The following SELENOF variants were observed in gnomAD, a reference collection of about 807,000 sequenced individuals.
SELENOF encodes 15 kDa selenoprotein.
Under a neutral mutation model 20.5 loss-of-function variants are expected in SELENOF, and 16 were observed. That is an observed-to-expected ratio of 0.78 (90% CI 0.53 to 1.19). SELENOF has a LOEUF of 1.19. Among genes scored for constraint, SELENOF ranks in the 50% most tolerant of loss-of-function variants. SELENOF has a pLI of 0.00. For synonymous variants in SELENOF, 78 were observed against 74.5 expected (o/e 1.05, Z -0.24); for missense variants, 215 against 194.2 (o/e 1.11, Z -0.64).
At chr1:86,890,766 A>G (rs927110807) in intron 2 of SELENOF, among the ~76,000 whole-genome samples, 3 of 151,764 alleles carry the variant, frequency 2.0e-5, no homozygotes, top group African/African-American at 7.3e-5. Context: ...TTCGTCTTCC[A>G]AAGTGTTGGA....
intron 1 of SELENOF, among the ~76,000 whole-genome samples, chr1:86,909,840 C>T (rs1659929814): frequency 6.6e-6 from 1 of 152,126 alleles, no homozygotes; most frequent in African/African-American, 2.4e-5. Context: ...CCCGTCTCCA[C>T]TAAAGATACA....
intron 2 of SELENOF, among the ~76,000 whole-genome samples, chr1:86,887,487 T>G (rs1295260430): frequency 6.6e-6 from 1 of 152,166 alleles, no homozygotes; most frequent in Non-Finnish European, 1.5e-5. Flanking sequence ...TGATTTAAAC[T>G]AGGCTCTACA....
In SELENOF at chr1:86,903,420, G is replaced by A. The variant is rs189422667; in HGVS notation, c.113C>T (p.Ser38Leu). 1,798 of 1,606,994 alleles carry A rather than the reference G, an allele frequency of 1.1e-3. 2 individuals are homozygous for A. The highest frequency in any genetic ancestry group is 1.4e-3 in the Non-Finnish European group (1,621 of 1,177,110). ...AAAGCCTAACTCTCTGCATGCCTCC[G>A]ATGAAAACTCTGCCCCAAAAGCAGA... ...AVSAFGAEFS[S>L]EACRELGFSS... Residue 38 changes from serine to leucine, a missense_variant, in exon 2 of 5, where the codon TCG (serine) becomes TTG (leucine). By Grantham distance (145) the Ser-to-Leu change is moderately radical. Coordinates refer to ENST00000331835, the MANE Select transcript of SELENOF (RefSeq NM_004261.5).
At chr1:86,906,883 T>C (rs1001545272) in intron 1 of SELENOF, among the ~76,000 whole-genome samples, 3 of 152,236 alleles carry the variant, frequency 2.0e-5, no homozygotes, top group Non-Finnish European at 4.4e-5. Flanking sequence ...TTTGCAGCCA[T>C]AGTTACTGAA....
chr1:86,885,786 C>A (rs957087019), intron 2 of SELENOF, among the ~76,000 whole-genome samples: 1 of 152,176 alleles, frequency 6.6e-6, no homozygotes, highest in Non-Finnish European at 1.5e-5. Flanking sequence ...CTGCCACTTA[C>A]AAGCAGTATG....
At chr1:86,880,544 AT>A in intron 3 of SELENOF, 117 bp downstream of exon 3, 2 of 556,430 alleles carry the variant, frequency 3.6e-6, no homozygotes, top group Non-Finnish European at 6.2e-6. Flanking sequence ...AAAAGCATAT[AT>A]TGTTAAGAAA....
intron 2 of SELENOF, among the ~76,000 whole-genome samples, chr1:86,898,185 A>G (rs1659574677): frequency 6.6e-6 from 1 of 152,230 alleles, no homozygotes; most frequent in Non-Finnish European, 1.5e-5. Flanking sequence ...CCGGGTTGTG[A>G]GCAAAGCCAT....
At chr1:86,871,659 A>T (rs1328305907) in intron 3 of SELENOF, among the ~76,000 whole-genome samples, 1 of 152,230 alleles carries the variant, frequency 6.6e-6, no homozygotes, top group African/African-American at 2.4e-5. Context: ...TTTATTACTA[A>T]ACCTACCACT....
intron 3 of SELENOF, among the ~76,000 whole-genome samples, chr1:86,875,849 C>G (rs1658911472): frequency 6.6e-6 from 1 of 152,140 alleles, no homozygotes; most frequent in Non-Finnish European, 1.5e-5. Flanking sequence ...AATTAGGAAG[C>G]AGCACAAGTT....
At chr1:86,900,841 C>T (rs1368683775) in intron 2 of SELENOF, among the ~76,000 whole-genome samples, 2 of 152,166 alleles carry the variant, frequency 1.3e-5, no homozygotes, top group African/African-American at 2.4e-5. Flanking sequence ...CCCGAGTTGA[C>T]TTTTAAAGAA....
At chr1:86,893,245 C>T (rs778122684) in intron 2 of SELENOF, among the ~76,000 whole-genome samples, 1 of 151,990 alleles carries the variant, frequency 6.6e-6, no homozygotes, top group Non-Finnish European at 1.5e-5. Flanking sequence ...GTAATTATGA[C>T]AAAATTGAAG....
intron 3 of SELENOF, among the ~76,000 whole-genome samples, chr1:86,879,021 T>G (rs369922874): frequency 6.6e-6 from 1 of 152,164 alleles, no homozygotes; most frequent in African/African-American, 2.4e-5. Flanking sequence ...TACCCAAGGT[T>G]TGATAATTTA....
intron 2 of SELENOF, among the ~76,000 whole-genome samples, chr1:86,889,499 C>G (rs1233190281): frequency 3.3e-5 from 5 of 152,100 alleles, no homozygotes; most frequent in Admixed American, 2.0e-4. Flanking sequence ...GAGGCTGAGA[C>G]AGGAGAATCA....
chr1:86,896,908 C>T (rs924130871), intron 2 of SELENOF, among the ~76,000 whole-genome samples: 2 of 152,248 alleles, frequency 1.3e-5, no homozygotes, highest in African/African-American at 4.8e-5. Flanking sequence ...TTAAAAAAAT[C>T]ACCTTTTCCA....
upstream of SELENOF, chr1:86,914,184 A>G (rs1660075394): frequency 1.5e-6 from 2 of 1,364,830 alleles, no homozygotes; most frequent in Admixed American, 1.7e-5. Flanking sequence ...GATCCAAAAC[A>G]GAACGCTAAC....
intron 1 of SELENOF, among the ~76,000 whole-genome samples, chr1:86,906,126 T>C (rs1327002873): frequency 6.6e-6 from 1 of 152,224 alleles, no homozygotes; most frequent in African/African-American, 2.4e-5. Context: ...TAATGTCATA[T>C]GTATAATTTT....
At chr1:86,877,769 A>G (rs1557457831) in intron 3 of SELENOF, among the ~76,000 whole-genome samples, 2 of 152,194 alleles carry the variant, frequency 1.3e-5, no homozygotes, top group South Asian at 2.1e-4. Flanking sequence ...TTTTTTTAAT[A>G]AAGTTCTACA....
At chr1:86,867,589 G>A (rs573196322) in intron 4 of SELENOF, among the ~76,000 whole-genome samples, 1 of 152,148 alleles carries the variant, frequency 6.6e-6, no homozygotes, top group East Asian at 1.9e-4. Flanking sequence ...TGTGAGGATT[G>A]GAGATTTCTT....
At chr1:86,902,737 G>C (rs961455987) in intron 2 of SELENOF, among the ~76,000 whole-genome samples, 1 of 152,164 alleles carries the variant, frequency 6.6e-6, no homozygotes, top group African/African-American at 2.4e-5. Context: ...AACATAGTAG[G>C]TTTACCTGGA....
Sources: gnomAD v4.1 joint callset for allele counts (sites outside exome capture counted in the v4.1 genomes callset) on GRCh38, gnomAD v4.1.1 for gene constraint, MANE v1.5 for transcripts, NCBI Gene and HGNC (gene_info 2026-07-23, HGNC 2026-07-21) for gene names.